FAM135B: variants seen among roughly 807,000 people sequenced by gnomAD.
The protein encoded by FAM135B is family with sequence similarity 135 member B.
Under a neutral mutation model 127.7 loss-of-function variants are expected in FAM135B, and 43 were observed. The ratio of observed to expected loss-of-function variants is 0.34; its 90% CI spans 0.26 to 0.43. The LOEUF (loss-of-function observed/expected upper bound fraction) is 0.43, where lower values mean the gene tolerates loss of function less well. FAM135B is among the 20% of genes least tolerant of loss of function. The pLI is 1.00. For missense variants in FAM135B, 1,558 were observed against 1,725.6 expected, an observed-to-expected ratio of 0.90 and a Z score of 1.72; for synonymous variants, 670 against 665.1, an observed-to-expected ratio of 1.01 and a Z score of -0.11.
At chr8:138,348,150 T>TTTTTTTG (rs1554671495) in intron 2 of FAM135B, among the ~76,000 whole-genome samples, 14 of 90,322 alleles carry the variant, frequency 1.6e-4, no homozygotes, top group African/African-American at 4.8e-4. Context: ...TTTTTTTTTT[T>TTTTTTTG]TGAGAAGGAA....
chr8:138,354,488 G>C (rs1360809893), intron 2 of FAM135B, among the ~76,000 whole-genome samples: 5 of 152,026 alleles, frequency 3.3e-5, no homozygotes, highest in African/African-American at 1.2e-4. Flanking sequence ...AACCCATCCT[G>C]ATACCTCCTG....
chr8:138,285,049 A>G (rs1365886484), intron 3 of FAM135B, among the ~76,000 whole-genome samples: 1 of 152,132 alleles, frequency 6.6e-6, no homozygotes, highest in Admixed American at 6.5e-5. Flanking sequence ...ATTACAAAAA[A>G]TAATAAAAAT....
chr8:138,232,168 G>A (rs897934707), intron 7 of FAM135B, among the ~76,000 whole-genome samples: 9 of 152,192 alleles, frequency 5.9e-5, no homozygotes, highest in African/African-American at 2.2e-4. Context: ...CTGCTGCTCT[G>A]TCACCTTGTA....
At chr8:138,218,065 T>A (rs1563782691) in intron 7 of FAM135B, among the ~76,000 whole-genome samples, 1 of 152,222 alleles carries the variant, frequency 6.6e-6, no homozygotes, top group African/African-American at 2.4e-5. Flanking sequence ...TAGACTTTAA[T>A]GGGTGAAAAT....
At position 138,483,712 on chromosome 8, in the gene FAM135B, G is replaced by T. The variant is rs192679194; in HGVS notation, c.-20+12959C>A. Among the ~76,000 whole-genome samples, 106 of 152,232 alleles carry T rather than the reference G, an allele frequency of 7.0e-4. No homozygotes were observed. The East Asian group carries it at 0.017, about 24-fold the overall frequency. ...TCAGGACCCCAAAAATACTTGCAAG[G>T]ACAACTTCCAGCTCAGGGCACACTG... On this transcript the variant is annotated intron_variant, in intron 1 of 19. Transcript: ENST00000395297.
intron 9 of FAM135B, among the ~76,000 whole-genome samples, chr8:138,184,560 A>G (rs1485483275): frequency 1.3e-5 from 2 of 152,112 alleles, no homozygotes; most frequent in Non-Finnish European, 2.9e-5. Context: ...TTCCCATTCC[A>G]TGGGACGGGC....
rs184152548 is a variant in FAM135B, at chr8:138,493,538, A to G, written c.-20+3133T>C. 2.1e-3 allele frequency among the ~76,000 whole-genome samples: 321 copies of G among 152,286 alleles called. 1 individual carries two copies. The highest frequency in any genetic ancestry group is 3.5e-3 in the Non-Finnish European group (241 of 68,014). On this transcript the variant is annotated intron_variant, in intron 1 of 19. Coordinates refer to ENST00000395297, the MANE Select transcript of FAM135B (RefSeq NM_015912.4). ...CATTTTTCTTTCTGTGCATTTGCCT[A>G]TCTATCTTGAAAGGTGGCTATCATT...
rs2130656606 is a variant in FAM135B, at chr8:138,145,959, C to T, written c.3540G>A (p.Gln1180=). Reference sequence around the variant, plus strand: ...AGTTCTGATATTTGTATCATCATACCTGATTCTTTTCAGACATTAGGAAGT... The same window carrying T: ...AGTTCTGATATTTGTATCATCATACTTGATTCTTTTCAGACATTAGGAAGT... ...KLDFLMSEKN[Q]MDTFADFDTM... is the part of the protein sequence containing the mutation. The change falls in exon 15 of 20, where the codon CAG becomes CAA. Residue 1180 remains glutamine (Q), a splice_region_variant and synonymous_variant. Coordinates refer to ENST00000395297, the MANE Select transcript of FAM135B (RefSeq NM_015912.4). The T allele has an allele frequency of 6.5e-7, 1 of 1,542,858 alleles. No individual in the cohort carries two copies. The highest frequency in any genetic ancestry group is 9.0e-7 in the Non-Finnish European group (1 of 1,115,694).
intron 11 of FAM135B, among the ~76,000 whole-genome samples, chr8:138,176,581 G>T (rs1814492454): frequency 6.6e-6 from 1 of 152,160 alleles, no homozygotes; most frequent in Admixed American, 6.5e-5. Context: ...TTTCCAAACA[G>T]AATGAATTGT....
chr8:138,260,015 G>C (rs1017199936), intron 4 of FAM135B, among the ~76,000 whole-genome samples: 1 of 152,194 alleles, frequency 6.6e-6, no homozygotes, highest in Non-Finnish European at 1.5e-5. Flanking sequence ...AGAAAGATTA[G>C]GGTGCAAGTA....
chr8:138,193,831 G>C (rs1264639990), intron 9 of FAM135B, among the ~76,000 whole-genome samples: 2 of 152,162 alleles, frequency 1.3e-5, no homozygotes, highest in Non-Finnish European at 2.9e-5. Context: ...GGCCCCAGAG[G>C]GTGAGCCCAT....
intron 2 of FAM135B, among the ~76,000 whole-genome samples, chr8:138,344,595 T>C (rs928664898): frequency 3.9e-5 from 5 of 128,212 alleles, no homozygotes; most frequent in African/African-American, 5.6e-5. Context: ...TTTTTTTTTG[T>C]TAAGGAGTCT....
intron 9 of FAM135B, among the ~76,000 whole-genome samples, chr8:138,188,700 C>G (rs1485556194): frequency 2.0e-5 from 3 of 152,188 alleles, no homozygotes; most frequent in Non-Finnish European, 4.4e-5. Context: ...TCCTGCAGCC[C>G]TGCCCACTGT....
rs780255425 is a variant in FAM135B at position 138,256,805 on chromosome 8, T to A, written c.298-46A>T. The stretch of plus-strand genomic sequence containing the variant: ...AAGGGATTTCAGGAGTCAAATCTTG[T>A]CCAAATGAAATACTTAGCTGGTCTA... On this transcript the variant is annotated intron_variant, in intron 4 of 19. Coordinates refer to ENST00000395297, the MANE Select transcript of FAM135B (RefSeq NM_015912.4). The A allele has an allele frequency of 4.0e-6, 6 of 1,492,234 alleles. No homozygotes were observed. In the East Asian group the frequency reaches 1.4e-4, roughly 34 times the overall value. 92.4% of individuals were successfully genotyped at this position (1,492,234 alleles called of 1,614,324 possible). A position where few individuals can be genotyped will look rare whatever the true frequency, so the allele number is the denominator to read the frequency against.
chr8:138,263,296 C>T (rs923744433), intron 4 of FAM135B, among the ~76,000 whole-genome samples: 1 of 152,116 alleles, frequency 6.6e-6, no homozygotes, highest in South Asian at 2.1e-4. Context: ...AGCACACCGC[C>T]GGACACAGCC....
rs1829846788 is a variant in FAM135B at position 138,352,541 on chromosome 8, TCA to T, written c.77+15364_77+15365del. Among the ~76,000 whole-genome samples the T allele has an allele frequency of 2.0e-5, 3 of 152,316 alleles. No individual in the cohort carries two copies. In the South Asian group the frequency reaches 6.2e-4, roughly 32 times the overall value. On this transcript the variant is annotated intron_variant, in intron 2 of 19. Coordinates refer to ENST00000395297, the MANE Select transcript of FAM135B (RefSeq NM_015912.4). ...TTCCTCCTGGGAGCCAGGCATCCAT[TCA>T]TCTTCTCTCCTTTCACTCTCCCTGA...
rs146555749 is a variant in FAM135B at position 138,267,910 on chromosome 8, C to T, written c.158-2068G>A. Among the ~76,000 whole-genome samples the T allele has an allele frequency of 4.6e-3, 705 of 152,288 alleles. 4 individuals are homozygous for T. The highest frequency in any genetic ancestry group is 7.0e-3 in the Non-Finnish European group (473 of 68,026). On this transcript the variant is annotated intron_variant, in intron 3 of 19. Coordinates refer to ENST00000395297, the MANE Select transcript of FAM135B (RefSeq NM_015912.4). ...TAAAAATGATTCATGTGTGCAGATGCCTCTCTGTTTTTACTTGCTACACTA... is the reference window on the plus strand; with the variant it reads ...TAAAAATGATTCATGTGTGCAGATGTCTCTCTGTTTTTACTTGCTACACTA...
At chr8:138,490,259 C>G (rs1815145241) in intron 1 of FAM135B, among the ~76,000 whole-genome samples, 1 of 152,162 alleles carries the variant, frequency 6.6e-6, no homozygotes, top group Admixed American at 6.6e-5. Flanking sequence ...CTTTCAGATA[C>G]CAGACTCCAC....
intron 1 of FAM135B, among the ~76,000 whole-genome samples, chr8:138,467,827 G>A (rs1837458017): frequency 6.6e-6 from 1 of 152,124 alleles, no homozygotes; most frequent in African/African-American, 2.4e-5. Flanking sequence ...GAAAAATTGG[G>A]AAATTATGAA....
Sources: allele counts gnomAD v4.1 joint callset (sites outside exome capture counted in the v4.1 genomes callset), GRCh38; gene constraint gnomAD v4.1.1; transcripts MANE v1.5; gene names NCBI Gene and HGNC (gene_info 2026-07-23, HGNC 2026-07-21).